Variants in INVS observed in about 807,000 individuals in gnomAD.
INVS encodes the protein inversin.
INVS carries 86 observed loss-of-function variants against 108.8 expected under a neutral mutation model. That is an observed-to-expected ratio of 0.79 (90% CI 0.66 to 0.95). INVS has a LOEUF of 0.95. Ranked by LOEUF, INVS falls within the 40% of genes least tolerant of loss-of-function variation. The pLI, the probability that INVS is intolerant of heterozygous loss-of-function variation, is 0.00. For synonymous variants in INVS, 455 were observed against 473.5 expected, an observed-to-expected ratio of 0.96 and a Z score of 0.51; for missense variants, 1,169 against 1,297.4, an observed-to-expected ratio of 0.90 and a Z score of 1.52.
chr9:100,213,314 C>T (rs940211190), intron 3 of INVS, among the ~76,000 whole-genome samples: 1 of 151,940 alleles, frequency 6.6e-6, no homozygotes, highest in African/African-American at 2.4e-5. Context: ...TTTTATAACC[C>T]CTGCTCACCT....
chr9:100,249,203 G>A (rs540709289), intron 8 of INVS, among the ~76,000 whole-genome samples: 71 of 152,196 alleles, frequency 4.7e-4, no homozygotes, highest in African/African-American at 1.6e-3. Context: ...ATCAGAAGTG[G>A]AGCATTATCC....
chr9:100,248,742 C>T (rs1240724053), intron 8 of INVS, among the ~76,000 whole-genome samples: 1 of 152,022 alleles, frequency 6.6e-6, no homozygotes, highest in Non-Finnish European at 1.5e-5. Context: ...CTCTGTAAAT[C>T]ACATTTCCCC....
Position 100,240,073 on chromosome 9 carries a change from CAG to C in INVS, c.632_633del (p.Glu211ValfsTer20), listed in dbSNP as rs759813479. 3.7e-6 allele frequency: 6 copies of C among 1,613,984 alleles called. No individual in the cohort carries two copies. Among genetic ancestry groups the C allele is most frequent in the East Asian group, 2.2e-5 (1 of 44,888 alleles). On this transcript the variant is annotated frameshift_variant, in exon 6 of 17. Coordinates refer to ENST00000262457, the MANE Select transcript of INVS (RefSeq NM_014425.5). LOFTEE classifies it high-confidence loss of function. ...CCTTCAAATCAGGATGCTGCTCCAA[CAG>C]AGTCTTTACTGAACTGGCAAGACTA...
chr9:100,166,016 T>A (rs1000830359), intron 3 of INVS, among the ~76,000 whole-genome samples: 2 of 152,138 alleles, frequency 1.3e-5, no homozygotes, highest in African/African-American at 4.8e-5. Context: ...ATAAAAATAT[T>A]TCATCACTTC....
At chr9:100,279,511 A>C (rs1010568457) in intron 12 of INVS, among the ~76,000 whole-genome samples, 1 of 152,220 alleles carries the variant, frequency 6.6e-6, no homozygotes, top group Non-Finnish European at 1.5e-5. Flanking sequence ...TATCAATTCT[A>C]TAATATAATT....
chr9:100,112,456 G>T (rs975668344), intron 2 of INVS, among the ~76,000 whole-genome samples: 1 of 152,076 alleles, frequency 6.6e-6, no homozygotes, highest in Non-Finnish European at 1.5e-5. Flanking sequence ...TCTTATATAA[G>T]ACTTAGGAAG....
At chr9:100,147,957 G>A (rs1400113117) in intron 3 of INVS, among the ~76,000 whole-genome samples, 1 of 151,112 alleles carries the variant, frequency 6.6e-6, no homozygotes, top group Admixed American at 6.6e-5. Flanking sequence ...GCCAAAACAG[G>A]GGGATTGCTT....
chr9:100,272,289 C>T (rs965459230), intron 11 of INVS, among the ~76,000 whole-genome samples: 1 of 152,154 alleles, frequency 6.6e-6, no homozygotes, highest in Non-Finnish European at 1.5e-5. Flanking sequence ...GATCTTTGCT[C>T]TATCCAGAAT....
intron 1 of INVS, among the ~76,000 whole-genome samples, chr9:100,100,929 A>ATATAT (rs1564112300): frequency 4.1e-5 from 1 of 24,332 alleles, no homozygotes; most frequent in African/African-American, 2.6e-4. Context: ...TATATATATA[A>ATATAT]TATATATAAT....
At chr9:100,164,896 C>CTTT (rs71498730) in intron 3 of INVS, among the ~76,000 whole-genome samples, 24 of 129,290 alleles carry the variant, frequency 1.9e-4, no homozygotes, top group Admixed American at 6.2e-4. Context: ...TTGGCTTTTT[C>CTTT]TTTTTTTTTT....
chr9:100,281,756 A>C (rs1044568557), intron 12 of INVS, among the ~76,000 whole-genome samples: 3 of 131,604 alleles, frequency 2.3e-5, no homozygotes, highest in Admixed American at 7.8e-5. Flanking sequence ...CCCCCCTCCA[A>C]AGCAATCTCC....
chr9:100,295,090 T>C (rs796582963), intron 14 of INVS, among the ~76,000 whole-genome samples: 7 of 152,284 alleles, frequency 4.6e-5, no homozygotes, highest in African/African-American at 1.7e-4. Context: ...GATGAACTTT[T>C]TAAGTATTCT....
intron 5 of INVS, among the ~76,000 whole-genome samples, chr9:100,238,797 T>G (rs1836334101): frequency 6.6e-6 from 1 of 152,238 alleles, no homozygotes; most frequent in Non-Finnish European, 1.5e-5. Flanking sequence ...TTGGTTCTTT[T>G]TCAAATCTGC....
intron 2 of INVS, chr9:100,116,745 G>A: frequency 8.8e-7 from 1 of 1,139,668 alleles, no homozygotes; most frequent in Non-Finnish European, 1.2e-6. Context: ...TATTTTTCTT[G>A]TATAAAACCC....
intron 3 of INVS, among the ~76,000 whole-genome samples, chr9:100,163,283 G>A (rs775451624): frequency 3.4e-5 from 5 of 148,932 alleles, no homozygotes; most frequent in Non-Finnish European, 5.9e-5. Context: ...AGTAACAAAC[G>A]CGGGCACCAC....
At chr9:100,114,391 CTTTTTTTTTTTTTTTTT>C (rs67549379) in intron 2 of INVS, among the ~76,000 whole-genome samples, 1 of 64,858 alleles carries the variant, frequency 1.5e-5, no homozygotes, top group Non-Finnish European at 2.6e-5. Flanking sequence ...AGATTTCTTT[CTTTTTTTTTTTTTTTTT>C]TTTTTTTTTT....
chr9:100,149,094 CT>C (rs980245068), intron 3 of INVS, among the ~76,000 whole-genome samples: 30 of 150,594 alleles, frequency 2.0e-4, no homozygotes, highest in African/African-American at 7.1e-4. Context: ...ATACCTTTTG[CT>C]TTAGTTAGTT....
At chr9:100,151,410 T>C (rs1301002975) in intron 3 of INVS, among the ~76,000 whole-genome samples, 1 of 151,852 alleles carries the variant, frequency 6.6e-6, no homozygotes, top group Non-Finnish European at 1.5e-5. Context: ...GTCCAGGAGG[T>C]TGAGGCTGCA....
At chr9:100,259,676 G>A (rs1832548306) in intron 10 of INVS, among the ~76,000 whole-genome samples, 1 of 149,628 alleles carries the variant, frequency 6.7e-6, no homozygotes, top group Non-Finnish European at 1.5e-5. Flanking sequence ...TAGCTGAGAG[G>A]GTACTTGGCC....
Sources: gnomAD v4.1 joint callset for allele counts (sites outside exome capture counted in the v4.1 genomes callset) on GRCh38, gnomAD v4.1.1 for gene constraint, MANE v1.5 for transcripts, NCBI Gene and HGNC (gene_info 2026-07-23, HGNC 2026-07-21) for gene names.